DLC1: variants seen among roughly 807,000 people sequenced by gnomAD.
DLC1 encodes the protein rho GTPase-activating protein 7.
DLC1 carries 54 observed loss-of-function variants against 140.3 expected under a neutral mutation model. That is an observed-to-expected ratio of 0.38 (90% CI 0.31 to 0.48). The LOEUF (loss-of-function observed/expected upper bound fraction) is 0.48. Among genes scored for constraint, DLC1 ranks in the 20% least tolerant of loss-of-function variants. The pLI is 0.96. For synonymous variants in DLC1, 986 were observed against 728.1 expected, an observed-to-expected ratio of 1.35 and a Z score of -5.70; for missense variants, 2,536 against 1,907.0, an observed-to-expected ratio of 1.33 and a Z score of -6.14.
At chr8:13,090,192 C>T (rs765668878) in intron 15 of DLC1, 60 bp downstream of exon 15, 14 of 1,519,868 alleles carry the variant, frequency 9.2e-6, no homozygotes, top group Admixed American at 5.5e-5. Context: ...CGTGTTATCT[C>T]TGATGGACCC....
chr8:13,241,414 A>AT (rs142158715), intron 5 of DLC1, among the ~76,000 whole-genome samples: 6 of 151,934 alleles, frequency 3.9e-5, no homozygotes, highest in South Asian at 2.1e-4. Context: ...TTTGGGGTAC[A>AT]TTTTTTTCCC....
chr8:13,424,607 C>T (rs1004446802), intron 2 of DLC1, among the ~76,000 whole-genome samples: 2 of 152,056 alleles, frequency 1.3e-5, no homozygotes, highest in Non-Finnish European at 2.9e-5. Flanking sequence ...GAGTCTGGCT[C>T]TGTCGTCCAG....
intron 1 of DLC1, among the ~76,000 whole-genome samples, chr8:13,508,060 C>A (rs1188044445): frequency 2.6e-5 from 4 of 152,194 alleles, no homozygotes; most frequent in African/African-American, 9.6e-5. Flanking sequence ...GAAGTCAGCT[C>A]ATGAGAAAAG....
At chr8:13,338,797 T>A (rs1833913165) in intron 4 of DLC1, 1 of 152,188 alleles carries the variant, frequency 6.6e-6, no homozygotes, top group Non-Finnish European at 1.5e-5. Context: ...TTCAGCTTAC[T>A]CAATTATTGA....
At chr8:13,289,500 A>T (rs1267985944) in intron 5 of DLC1, among the ~76,000 whole-genome samples, 1 of 151,924 alleles carries the variant, frequency 6.6e-6, no homozygotes, top group Non-Finnish European at 1.5e-5. Flanking sequence ...CTAATTGTTC[A>T]AATTTTTTTT....
intron 5 of DLC1, among the ~76,000 whole-genome samples, chr8:13,242,858 A>G (rs1829601288): frequency 1.3e-5 from 2 of 152,026 alleles, no homozygotes; most frequent in African/African-American, 4.8e-5. Flanking sequence ...TTTTTTTACC[A>G]GTTTAGTGAG....
At chr8:13,133,316 C>A in intron 5 of DLC1, 3 of 1,202,152 alleles carry the variant, frequency 2.5e-6, no homozygotes, top group Non-Finnish European at 3.1e-6. Context: ...GCCAGCCGGG[C>A]CCTCCCGCTG....
At chr8:13,475,198 G>A (rs146860601) in intron 2 of DLC1, among the ~76,000 whole-genome samples, 34 of 152,130 alleles carry the variant, frequency 2.2e-4, no homozygotes, top group African/African-American at 8.2e-4. Context: ...ATTGATTGCT[G>A]TTTTTTCTGT....
intron 2 of DLC1, among the ~76,000 whole-genome samples, chr8:13,452,729 A>G (rs1289230085): frequency 6.6e-6 from 1 of 152,120 alleles, no homozygotes; most frequent in Admixed American, 6.5e-5. Flanking sequence ...ATTAATCCAA[A>G]CCATGCTGAT....
chr8:13,103,358 A>G (rs1350668517), intron 7 of DLC1, among the ~76,000 whole-genome samples: 2 of 147,966 alleles, frequency 1.4e-5, no homozygotes, highest in East Asian at 4.0e-4. Flanking sequence ...AAATAAATAA[A>G]TACCTTTATG....
At chr8:13,568,085 T>G (rs905211465) in intron 1 of DLC1, 5 of 963,300 alleles carry the variant, frequency 5.2e-6, no homozygotes, top group Non-Finnish European at 6.0e-6. Flanking sequence ...TTTTTTCCTA[T>G]TATAGAAGGC....
chr8:13,198,443 GT>G (rs1827192185), intron 5 of DLC1, among the ~76,000 whole-genome samples: 1 of 152,168 alleles, frequency 6.6e-6, no homozygotes, highest in Non-Finnish European at 1.5e-5. Flanking sequence ...TTTCAGGACA[GT>G]TTTCCCGAGT....
intron 12 of DLC1, among the ~76,000 whole-genome samples, chr8:13,093,141 T>C (rs1372284805): frequency 1.1e-5 from 1 of 88,194 alleles, no homozygotes; most frequent in East Asian, 5.0e-4. Context: ...TTTTCTTTCC[T>C]AAGCATGAAA....
Position 13,538,289 on chromosome 8 carries a change from T to C in DLC1, c.-125-38093A>G, listed in dbSNP as rs1326985584. Among the ~76,000 whole-genome samples, 3 of 152,140 alleles carry C rather than the reference T, an allele frequency of 2.0e-5. No individual in the cohort carries two copies. In the East Asian group the frequency reaches 5.8e-4, roughly 30 times the overall value. On this transcript the variant is annotated intron_variant, in intron 1 of 1. Transcript: ENST00000631382. Reference sequence around the variant, plus strand: ...TGGCTCAAGCACTTGGAGAATCCAATGTTTATAAACTTTCGTGTAAATGGG... The same window carrying C: ...TGGCTCAAGCACTTGGAGAATCCAACGTTTATAAACTTTCGTGTAAATGGG...
At chr8:13,368,287 C>T (rs1415583277) in intron 4 of DLC1, among the ~76,000 whole-genome samples, 1 of 144,450 alleles carries the variant, frequency 6.9e-6, no homozygotes, top group Admixed American at 6.9e-5. Flanking sequence ...TTTCCATTAC[C>T]AAACTCAAAT....
At chr8:13,413,256 A>ATTTTTGTTTTTTTTTTTTTTTTTT in intron 2 of DLC1, among the ~76,000 whole-genome samples, 1 of 82,022 alleles carries the variant, frequency 1.2e-5, no homozygotes, top group Non-Finnish European at 2.3e-5. Flanking sequence ...TTTTTTTGCG[A>ATTTTTGTTTTTTTTTTTTTTTTTT]TTTTTTTTTT....
At chr8:13,345,077 G>A (rs976792892) in intron 4 of DLC1, among the ~76,000 whole-genome samples, 5 of 152,010 alleles carry the variant, frequency 3.3e-5, no homozygotes, top group Admixed American at 6.6e-5. Context: ...CCCTGGCCCC[G>A]CCACACACAT....
At chr8:13,505,136 T>C (rs1387327088) in intron 1 of DLC1, among the ~76,000 whole-genome samples, 1 of 151,000 alleles carries the variant, frequency 6.6e-6, no homozygotes, top group Non-Finnish European at 1.5e-5. Context: ...AGAAGGAAAA[T>C]ATAATTATAG....
At chr8:13,101,865 T>C (rs1366516384) in intron 8 of DLC1, among the ~76,000 whole-genome samples, 1 of 152,212 alleles carries the variant, frequency 6.6e-6, no homozygotes, top group Non-Finnish European at 1.5e-5. Context: ...CTATTGCATC[T>C]TGGCCTTTTC....
Sources: gnomAD v4.1 joint callset for allele counts (sites outside exome capture counted in the v4.1 genomes callset) on GRCh38, gnomAD v4.1.1 for gene constraint, MANE v1.5 for transcripts, NCBI Gene and HGNC (gene_info 2026-07-23, HGNC 2026-07-21) for gene names.